SHANK2: variants seen among roughly 807,000 people sequenced by gnomAD.
The protein encoded by SHANK2 is SH3 and multiple ankyrin repeat domains protein 2.
In SHANK2, 43 loss-of-function variants were observed where a neutral mutation model predicts 133.7. The observed-to-expected ratio is 0.32, with a 90% confidence interval of 0.25 to 0.41. The LOEUF is 0.41. Among genes scored for constraint, SHANK2 ranks in the 10% least tolerant of loss-of-function variants. SHANK2 has a pLI of 1.00. For missense variants in SHANK2, 1,994 were observed against 2,235.8 expected, an observed-to-expected ratio of 0.89 and a Z score of 2.18; for synonymous variants, 1,017 against 952.8, an observed-to-expected ratio of 1.07 and a Z score of -1.24.
At chr11:70,690,598 A>G (rs1485934851) in intron 15 of SHANK2, among the ~76,000 whole-genome samples, 1 of 139,500 alleles carries the variant, frequency 7.2e-6, no homozygotes, top group Non-Finnish European at 1.5e-5. Flanking sequence ...GAGGTTACAG[A>G]TGTGAACCAC....
intron 14 of SHANK2, among the ~76,000 whole-genome samples, chr11:70,753,113 A>C (rs1490921447): frequency 6.6e-6 from 1 of 152,060 alleles, no homozygotes; most frequent in East Asian, 1.9e-4. Context: ...ATTCTGTCTC[A>C]AAACAAAACA....
chr11:70,593,081 G>A (rs1171892517), intron 17 of SHANK2, among the ~76,000 whole-genome samples: 5 of 152,228 alleles, frequency 3.3e-5, no homozygotes, highest in Non-Finnish European at 5.9e-5. Context: ...GTTCGGGGAA[G>A]GCCTGTGGCT....
At chr11:71,122,252 T>C (rs1243148762) in intron 3 of SHANK2, among the ~76,000 whole-genome samples, 1 of 152,154 alleles carries the variant, frequency 6.6e-6, no homozygotes, top group East Asian at 1.9e-4. Flanking sequence ...AACCCAAATG[T>C]CCATCAATGA....
At chr11:71,154,433 G>A (rs1302450548) in intron 2 of SHANK2, among the ~76,000 whole-genome samples, 2 of 152,202 alleles carry the variant, frequency 1.3e-5, no homozygotes, top group African/African-American at 2.4e-5. Context: ...CAGATGTGAG[G>A]GAAGGGGAGG....
intron 17 of SHANK2, among the ~76,000 whole-genome samples, chr11:70,579,054 A>T (rs183892624): frequency 6.6e-6 from 1 of 152,150 alleles, no homozygotes; most frequent in African/African-American, 2.4e-5. Context: ...GGTGAGAACG[A>T]GGCCTGTGCT....
chr11:70,672,060 C>CTTTTTTTTTTTTTTTTTTTTTT (rs201865483), intron 15 of SHANK2, among the ~76,000 whole-genome samples: 1 of 120,936 alleles, frequency 8.3e-6, no homozygotes. Context: ...CTTTTCTTTT[C>CTTTTTTTTTTTTTTTTTTTTTT]TTTTTCTTTT....
intron 17 of SHANK2, among the ~76,000 whole-genome samples, chr11:70,547,335 A>T (rs140523544): frequency 2.4e-4 from 36 of 152,248 alleles, no homozygotes; most frequent in Admixed American, 5.9e-4. Context: ...ATATCGGCTC[A>T]CTGCAACCTC....
intron 14 of SHANK2, among the ~76,000 whole-genome samples, chr11:70,765,199 A>C (rs1398278027): frequency 6.6e-6 from 1 of 152,182 alleles, no homozygotes; most frequent in Non-Finnish European, 1.5e-5. Flanking sequence ...TTTGTGACCC[A>C]AGTGGCATGG....
chr11:70,482,336 C>T (rs879991741), intron 25 of SHANK2, among the ~76,000 whole-genome samples: 3 of 152,218 alleles, frequency 2.0e-5, no homozygotes, highest in Non-Finnish European at 2.9e-5. Flanking sequence ...CTGCTATTAG[C>T]CTCTTGCTGA....
intron 2 of SHANK2, among the ~76,000 whole-genome samples, chr11:71,198,217 G>T (rs1396273266): frequency 6.6e-6 from 1 of 152,116 alleles, no homozygotes; most frequent in Admixed American, 6.5e-5. Context: ...CCAAAGTGCT[G>T]GGACTGCAGA....
chr11:71,155,427 C>G, intron 2 of SHANK2, among the ~76,000 whole-genome samples: 1 of 150,110 alleles, frequency 6.7e-6, no homozygotes. Flanking sequence ...GATGGACCTA[C>G]CCCCGCCCAC....
chr11:70,688,187 A>C (rs567907853), intron 15 of SHANK2, among the ~76,000 whole-genome samples: 1 of 152,274 alleles, frequency 6.6e-6, no homozygotes, highest in South Asian at 2.1e-4. Context: ...AATGCAGAAC[A>C]GTTGCTGAGC....
chr11:71,248,668 G>A (rs1270579605), intron 1 of SHANK2, among the ~76,000 whole-genome samples: 3 of 152,152 alleles, frequency 2.0e-5, no homozygotes, highest in African/African-American at 7.2e-5. Context: ...AGCTCCTGAC[G>A]TTATTATTGT....
chr11:70,854,954 G>A (rs915238274), intron 11 of SHANK2, among the ~76,000 whole-genome samples: 1 of 152,190 alleles, frequency 6.6e-6, no homozygotes, highest in Admixed American at 6.5e-5. Flanking sequence ...CCAGATCACG[G>A]TTCACCCACG....
chr11:70,641,611 C>T (rs551917115), intron 17 of SHANK2, among the ~76,000 whole-genome samples: 1 of 152,286 alleles, frequency 6.6e-6, no homozygotes, highest in South Asian at 2.1e-4. Flanking sequence ...CAGCCAGAGG[C>T]GGCCGAGCCC....
At chr11:71,070,246 G>A (rs1951125814) in intron 9 of SHANK2, among the ~76,000 whole-genome samples, 2 of 152,156 alleles carry the variant, frequency 1.3e-5, no homozygotes, top group African/African-American at 2.4e-5. Flanking sequence ...GCATGAGGGA[G>A]GAGATTAAAG....
intron 17 of SHANK2, among the ~76,000 whole-genome samples, chr11:70,508,837 C>A (rs976887338): frequency 2.0e-5 from 3 of 152,176 alleles, no homozygotes; most frequent in Admixed American, 2.0e-4. Flanking sequence ...TGCAATGAGC[C>A]ATGATTGTGC....
Position 70,569,466 on chromosome 11 carries a change from A to G in SHANK2, c.2062-66535T>C, listed in dbSNP as rs1398827214. On this transcript the variant is annotated intron_variant, in intron 17 of 25. Coordinates refer to ENST00000601538, the MANE Select transcript of SHANK2 (RefSeq NM_012309.5). The surrounding 1 kb of genome is among the most constrained non-coding windows in gnomAD (Gnocchi z 5.1). Reference sequence around the variant, plus strand: ...GGCTGCTGTGCTGGGCAGAGGGTGGATGGCGGGGTTGACCAACGATGAGGC... The same window carrying G: ...GGCTGCTGTGCTGGGCAGAGGGTGGGTGGCGGGGTTGACCAACGATGAGGC... Among the ~76,000 whole-genome samples the G allele has an allele frequency of 1.3e-5, 2 of 152,074 alleles. No individual in the cohort carries two copies. The highest frequency in any genetic ancestry group is 4.8e-5 in the African/African-American group (2 of 41,410).
intron 10 of SHANK2, among the ~76,000 whole-genome samples, chr11:70,932,448 A>T (rs942603520): frequency 2.6e-5 from 4 of 152,254 alleles, no homozygotes; most frequent in Non-Finnish European, 5.9e-5. Flanking sequence ...AGGGAAGCAG[A>T]TGCATGGAAA....
Sources: gnomAD v4.1 joint callset for allele counts (sites outside exome capture counted in the v4.1 genomes callset) on GRCh38, gnomAD v4.1.1 for gene constraint, Gnocchi (gnomAD v3.1) non-coding constraint, MANE v1.5 for transcripts, NCBI Gene and HGNC (gene_info 2026-07-23, HGNC 2026-07-21) for gene names.